PTPRG: variants seen among roughly 807,000 people sequenced by gnomAD.
PTPRG encodes receptor-type tyrosine-protein phosphatase gamma.
A neutral mutation model predicts 165.3 loss-of-function variants in PTPRG; 102 were observed. That is an observed-to-expected ratio of 0.62 (90% confidence interval 0.53 to 0.73). The LOEUF (loss-of-function observed/expected upper bound fraction) is 0.73, where lower values mean the gene tolerates loss of function less well. Among genes scored for constraint, PTPRG ranks in the 30% least tolerant of loss-of-function variants. The pLI, the probability that PTPRG is intolerant of heterozygous loss-of-function variation, is 0.00. For synonymous variants in PTPRG, 675 were observed against 669.5 expected, an observed-to-expected ratio of 1.01 and a Z score of -0.13; for missense variants, 1,866 against 1,861.4, an observed-to-expected ratio of 1.00 and a Z score of -0.05.
chr3:61,833,710 C>T (rs1016204066), intron 2 of PTPRG, among the ~76,000 whole-genome samples: 3 of 152,002 alleles, frequency 2.0e-5, no homozygotes, highest in African/African-American at 7.3e-5. Context: ...CTACAGGTAC[C>T]CGCCACCACG....
At chr3:61,773,146 A>C (rs1575652201) in intron 2 of PTPRG, among the ~76,000 whole-genome samples, 1 of 152,234 alleles carries the variant, frequency 6.6e-6, no homozygotes, top group Non-Finnish European at 1.5e-5. Flanking sequence ...GGGTGGTGGT[A>C]GGTTTGCAGA....
rs187855170 is a variant in PTPRG, at chr3:61,664,377, T to A, written c.86-84501T>A. 6.6e-5 allele frequency among the ~76,000 whole-genome samples: 10 copies of A among 152,346 alleles called. No homozygotes were observed. The East Asian group carries it at 1.7e-3, about 26-fold the overall frequency. On this transcript the variant is annotated intron_variant, in intron 1 of 29. Coordinates refer to ENST00000474889, the MANE Select transcript of PTPRG (RefSeq NM_002841.4). Reference sequence around the variant, plus strand: ...TGGTCTGATGGGCCATCACTCCTTGTCTTATAATCCTCAGTCCAAGAGCAT... The same window carrying A: ...TGGTCTGATGGGCCATCACTCCTTGACTTATAATCCTCAGTCCAAGAGCAT...
chr3:61,745,673 TAGAC>T (rs1169638407), intron 1 of PTPRG, among the ~76,000 whole-genome samples: 1 of 152,246 alleles, frequency 6.6e-6, no homozygotes, highest in African/African-American at 2.4e-5. Flanking sequence ...GAATTACCTT[TAGAC>T]AGGCAGTCCT....
At chr3:62,241,420 C>T (rs1701158288) in intron 14 of PTPRG, among the ~76,000 whole-genome samples, 1 of 152,188 alleles carries the variant, frequency 6.6e-6, no homozygotes, top group South Asian at 2.1e-4. Context: ...AGATGCGGAG[C>T]TTTGTCCCCC....
At chr3:61,728,874 C>CAA (rs3032404) in intron 1 of PTPRG, among the ~76,000 whole-genome samples, 15 of 102,988 alleles carry the variant, frequency 1.5e-4, no homozygotes, top group Admixed American at 3.0e-4. Flanking sequence ...TAATCTGTAC[C>CAA]AAAAAAAAAA....
At chr3:62,018,699 A>G (rs538013318) in intron 4 of PTPRG, among the ~76,000 whole-genome samples, 1 of 152,224 alleles carries the variant, frequency 6.6e-6, no homozygotes, top group Admixed American at 6.5e-5. Context: ...ACAAAGCTCA[A>G]GGCATCCCTT....
chr3:61,577,546 T>C (rs761389013), intron 1 of PTPRG, among the ~76,000 whole-genome samples: 1 of 152,238 alleles, frequency 6.6e-6, no homozygotes, highest in African/African-American at 2.4e-5. Context: ...TTTCATTGAC[T>C]GCCTATTAAA....
intron 2 of PTPRG, among the ~76,000 whole-genome samples, chr3:61,921,165 T>A (rs184366067): frequency 6.6e-6 from 1 of 151,782 alleles, no homozygotes; most frequent in African/African-American, 2.4e-5. Context: ...CCTTCCTTCT[T>A]ACCTATCTAC....
chr3:61,839,081 A>G (rs2036549206), intron 2 of PTPRG, among the ~76,000 whole-genome samples: 1 of 152,216 alleles, frequency 6.6e-6, no homozygotes, highest in Non-Finnish European at 1.5e-5. Context: ...TAATATTGTA[A>G]GCAAATCTAA....
intron 4 of PTPRG, among the ~76,000 whole-genome samples, chr3:62,046,529 C>T (rs1024294202): frequency 6.6e-6 from 1 of 152,180 alleles, no homozygotes; most frequent in African/African-American, 2.4e-5. Context: ...CTTAATCCTT[C>T]TCAAAGAAGG....
rs1384675162 is a variant in PTPRG at position 62,252,932 on chromosome 3, A to C, written c.2468-2192A>C. Among the ~76,000 whole-genome samples, 1 of 152,130 alleles carries C rather than the reference A, an allele frequency of 6.6e-6. No individual in the cohort carries two copies. Among genetic ancestry groups the C allele is most frequent in the Non-Finnish European group, 1.5e-5 (1 of 68,020 alleles). On this transcript the variant is annotated intron_variant, in intron 15 of 29. Coordinates refer to ENST00000474889, the MANE Select transcript of PTPRG (RefSeq NM_002841.4). The surrounding 1 kb of genome is among the most constrained non-coding windows in gnomAD (Gnocchi z 4.6). ...AGAGGGTGTGGTTAGGCGTCCTTGG[A>C]TAAAGATGCAAATTGGAGAGACTAG... is the stretch of plus-strand genomic sequence containing the variant.
At chr3:62,267,049 C>A (rs1701897682) in intron 17 of PTPRG, among the ~76,000 whole-genome samples, 1 of 151,894 alleles carries the variant, frequency 6.6e-6, no homozygotes, top group African/African-American at 2.4e-5. Flanking sequence ...CTTGACAGAT[C>A]AGTCACCCTT....
intron 20 of PTPRG, among the ~76,000 whole-genome samples, chr3:62,270,717 A>C (rs1202475439): frequency 6.6e-6 from 1 of 152,226 alleles, no homozygotes; most frequent in Non-Finnish European, 1.5e-5. Flanking sequence ...CATCCAAAAA[A>C]AATTTAGAAA....
At chr3:62,037,878 G>A (rs1376642536) in intron 4 of PTPRG, among the ~76,000 whole-genome samples, 5 of 152,152 alleles carry the variant, frequency 3.3e-5, no homozygotes, top group Non-Finnish European at 7.4e-5. Context: ...GGGCCCCACT[G>A]TCATGACCTC....
chr3:61,912,693 C>A (rs369631475), intron 2 of PTPRG, among the ~76,000 whole-genome samples: 2 of 152,112 alleles, frequency 1.3e-5, no homozygotes, highest in African/African-American at 4.8e-5. Flanking sequence ...TCTTGTCAAT[C>A]GGGACCAAGA....
intron 8 of PTPRG, among the ~76,000 whole-genome samples, chr3:62,171,767 C>T (rs1203836886): frequency 4.6e-5 from 7 of 151,876 alleles, no homozygotes; most frequent in East Asian, 1.9e-4. Context: ...ATTCTTTTAA[C>T]GTGTACACAT....
At chr3:61,803,505 G>T (rs559776238) in intron 2 of PTPRG, among the ~76,000 whole-genome samples, 132 of 148,120 alleles carry the variant, frequency 8.9e-4, no homozygotes, top group Non-Finnish European at 1.6e-3. Flanking sequence ...GTCCAACATG[G>T]ACAACATGTA....
At chr3:61,616,234 G>A (rs573623699) in intron 1 of PTPRG, among the ~76,000 whole-genome samples, 1 of 152,142 alleles carries the variant, frequency 6.6e-6, no homozygotes, top group Non-Finnish European at 1.5e-5. Flanking sequence ...TTACAGGCGC[G>A]AGCCACCATG....
chr3:62,185,371 A>G (rs1223351299), intron 8 of PTPRG, among the ~76,000 whole-genome samples: 3 of 152,224 alleles, frequency 2.0e-5, no homozygotes, highest in Admixed American at 1.3e-4. Context: ...AAAAGGACGT[A>G]TCAAGAGGTC....
Sources: gnomAD v4.1 joint callset for allele counts (sites outside exome capture counted in the v4.1 genomes callset) on GRCh38, gnomAD v4.1.1 for gene constraint, Gnocchi (gnomAD v3.1) non-coding constraint, MANE v1.5 for transcripts, NCBI Gene and HGNC (gene_info 2026-07-23, HGNC 2026-07-21) for gene names.